The following RS1 variants were observed in gnomAD, a reference collection of about 807,000 sequenced individuals.
RS1 encodes the protein retinoschisin.
In RS1, 2 loss-of-function variants were observed where a neutral mutation model predicts 20.8. That is an observed-to-expected ratio of 0.10 (90% CI 0.04 to 0.30). RS1 has a LOEUF of 0.30. Ranked by LOEUF, RS1 falls within the 10% of genes least tolerant of loss-of-function variation. The probability of loss-of-function intolerance (pLI) is 1.00; values close to 1 mark genes in which losing one functional copy is unlikely to be tolerated. For missense variants in RS1, 151 were observed against 189.8 expected, an observed-to-expected ratio of 0.80 and a Z score of 1.20; for synonymous variants, 70 against 75.8, an observed-to-expected ratio of 0.92 and a Z score of 0.40.
At chrX:18,666,787 C>T (rs183129495) in intron 1 of RS1, among the ~76,000 whole-genome samples, 5 of 109,877 alleles carry the variant, frequency 4.6e-5, no homozygotes, top group African/African-American at 1.3e-4. Context: ...GCAGATTACG[C>T]GTGGCAGGGG....
At chrX:18,644,039 T>C (rs2147190718) in intron 5 of RS1, among the ~76,000 whole-genome samples, 1 of 111,046 alleles carries the variant, frequency 9.0e-6, no homozygotes, top group African/African-American at 3.3e-5. Context: ...TCTCAAACAA[T>C]AGGAGAGGCC....
At chrX:18,669,502 A>AAAAAAAAAAAAAAAC in intron 1 of RS1, among the ~76,000 whole-genome samples, 1 of 108,128 alleles carries the variant, frequency 9.2e-6, no homozygotes, top group Admixed American at 1.0e-4. Context: ...AAAAAAAAAA[A>AAAAAAAAAAAAAAAC]AAGACATAGG....
chrX:18,654,171 G>A (rs1257045548), intron 3 of RS1, among the ~76,000 whole-genome samples: 1 of 95,595 alleles, frequency 1.0e-5, no homozygotes, highest in Non-Finnish European at 2.2e-5. Flanking sequence ...TTTTTGGTGG[G>A]GGGGACAGGG....
chrX:18,654,554 G>T (rs771432999), intron 3 of RS1, among the ~76,000 whole-genome samples: 60 of 112,256 alleles, frequency 5.3e-4, no homozygotes, highest in African/African-American at 1.8e-3. Context: ...CTTCATTTCT[G>T]TCTCCTTGTC....
At chrX:18,646,022 G>C (rs962965944) in intron 4 of RS1, 43 of 1,211,906 alleles carry the variant, frequency 3.5e-5, no homozygotes, top group Non-Finnish European at 4.7e-5. Flanking sequence ...GGATGTGATG[G>C]CAGAAGACAG....
intron 1 of RS1, among the ~76,000 whole-genome samples, chrX:18,661,613 G>T (rs766035690): frequency 1.2e-4 from 13 of 111,285 alleles, no homozygotes; most frequent in Non-Finnish European, 1.9e-4. Flanking sequence ...TTATTGAGTG[G>T]AAGGAGCTCT....
At position 18,656,676 on chromosome X, in the gene RS1, G is replaced by A. The variant is rs200221392; in HGVS notation, c.161C>T (p.Ala54Val). 6 of 1,206,691 alleles carry A rather than the reference G, an allele frequency of 5.0e-6. No individual in the cohort carries two copies. Among genetic ancestry groups the A allele is most frequent in the Non-Finnish European group, 5.6e-6 (5 of 892,657 alleles). Residue 54 changes from alanine to valine, a missense_variant, in exon 3 of 6, where the codon GCC (alanine) becomes GTC (valine). Coordinates refer to ENST00000379984, the MANE Select transcript of RS1 (RefSeq NM_000330.4). The part of the protein sequence containing the change: ...GGPNALWSAG[A>V]TSLDCIPECP... ...ACCTGGTATACAGTCCAAGGAGGTG[G>A]CACCTGCAGACCACAGAGCATTGGG...
chrX:18,650,466 C>T lies in RS1; in HGVS notation c.185-3134G>A, dbSNP rs202153551. The T allele has an allele frequency of 5.0e-5, 60 of 1,210,305 alleles. No individual in the cohort carries two copies. The East Asian group carries it at 1.1e-3, about 22-fold the overall frequency. On this transcript the variant is annotated intron_variant, in intron 3 of 5. Coordinates refer to ENST00000379984, the MANE Select transcript of RS1 (RefSeq NM_000330.4). The stretch of plus-strand genomic sequence containing the variant: ...GCCTCACACTCCGTGCGTCCCAAAC[C>T]GAGCCCTTCATCGTCCAATCTCCAG...
chrX:18,663,081 C>G (rs1266725021), intron 1 of RS1, among the ~76,000 whole-genome samples: 1 of 100,118 alleles, frequency 1.0e-5, no homozygotes, highest in African/African-American at 4.0e-5. Context: ...ACTCGTTGCC[C>G]AGGCTGGAGT....
chrX:18,643,895 TCAATCCACAAA>T (rs1927673580), intron 5 of RS1, among the ~76,000 whole-genome samples: 1 of 111,321 alleles, frequency 9.0e-6, no homozygotes, highest in Non-Finnish European at 1.9e-5. Flanking sequence ...GACTTCTGTC[TCAATCCACAAA>T]GATTAATAGG....
rs1186729210 is a variant in RS1, at chrX:18,654,149, CT to C, written c.184+2503del. Among the ~76,000 whole-genome samples the C allele has an allele frequency of 2.4e-3, 220 of 92,495 alleles. 1 individual carries two copies. The highest frequency in any genetic ancestry group is 2.8e-3 in the Admixed American group (23 of 8,228). 80.3% of individuals were successfully genotyped at this position (92,495 alleles called of 115,157 possible). ...TCAAACACATGACTCTTCTCTCTCT[CT>C]TTTTTTTTTTTTTTTGGTGGGGGGG... On this transcript the variant is annotated intron_variant, in intron 3 of 5. Coordinates refer to ENST00000379984, the MANE Select transcript of RS1 (RefSeq NM_000330.4).
intron 1 of RS1, among the ~76,000 whole-genome samples, chrX:18,665,504 A>G (rs1174739324): frequency 9.0e-6 from 1 of 111,050 alleles, no homozygotes; most frequent in Non-Finnish European, 1.9e-5. Context: ...GCCTCCGTCC[A>G]TAGAATTTCT....
chrX:18,665,086 C>G (rs1928382705), intron 1 of RS1, among the ~76,000 whole-genome samples: 1 of 112,081 alleles, frequency 8.9e-6, no homozygotes, highest in African/African-American at 3.2e-5. Context: ...GAAGGCTCCT[C>G]CAAGCCTCCT....
Position 18,655,850 on chromosome X carries a change from GA to G in RS1, c.184+802del, listed in dbSNP as rs759654471. 3.4e-3 allele frequency among the ~76,000 whole-genome samples: 380 copies of G among 110,625 alleles called. 2 individuals carry two copies. Among genetic ancestry groups the G allele is most frequent in the Middle Eastern group, 0.028 (6 of 217 alleles). On this transcript the variant is annotated intron_variant, in intron 3 of 5. Coordinates refer to ENST00000379984, the MANE Select transcript of RS1 (RefSeq NM_000330.4). Reference sequence around the variant, plus strand: ...TCATCACCTCCATTGGACAGACAAGGAAAAAAGTGGCAGTCCCAGAGTTCAG... The same window carrying G: ...TCATCACCTCCATTGGACAGACAAGGAAAAAGTGGCAGTCCCAGAGTTCAG...
At chrX:18,664,273 T>C (rs967141488) in intron 1 of RS1, among the ~76,000 whole-genome samples, 2 of 112,480 alleles carry the variant, frequency 1.8e-5, no homozygotes, top group African/African-American at 6.5e-5. Context: ...TGGATGCATC[T>C]CATGATGCTG....
chrX:18,645,149 GTTT>G (rs1392128590), intron 4 of RS1, among the ~76,000 whole-genome samples: 1 of 112,375 alleles, frequency 8.9e-6, no homozygotes, highest in East Asian at 2.8e-4. Context: ...CAACTAAGTT[GTTT>G]TTTTAGCTAC....
chrX:18,642,115 G>T lies in RS1; in HGVS notation c.564C>A (p.Asn188Lys). The stretch of plus-strand genomic sequence containing the variant: ...GGGAGATGATGGGGGGCCGCAGCAG[G>T]TTCTGAACCGTGGAGGTGCGGTCCG... ...GNSDRTSTVQ[N>K]LLRPPIISRF... Residue 188 changes from asparagine (N) to lysine (K), a missense_variant, in exon 6 of 6, where the codon AAC becomes AAA. By Grantham distance (94) the Asn-to-Lys change is moderately conservative. Coordinates refer to ENST00000379984, the MANE Select transcript of RS1 (RefSeq NM_000330.4). The T allele has an allele frequency of 2.5e-6, 3 of 1,211,823 alleles. No individual in the cohort carries two copies. The highest frequency in any genetic ancestry group is 3.4e-6 in the Non-Finnish European group (3 of 895,375).
chrX:18,663,032 C>CTTTT (rs55857398), intron 1 of RS1, among the ~76,000 whole-genome samples: 826 of 74,634 alleles, frequency 0.011, 84 homozygotes, highest in African/African-American at 0.051. Context: ...AGAACAATGA[C>CTTTT]TTTTTTTTTT....
At position 18,647,213 on chromosome X, in the gene RS1, G is replaced by T; in HGVS notation, c.304C>A (p.Arg102=). The change falls in exon 4 of 6, where the codon CGG becomes AGG. Residue 102 remains arginine, a synonymous_variant. Transcript: ENST00000379984. ...WYSSWTANKA[R]LNSQGFGCAW... is the part of the protein sequence containing the mutation. ...TACCCAAAGCCTTGACTGTTGAGCC[G>T]GGCCTTGTTTGCAGTCCACGAAGAA... The T allele has an allele frequency of 8.3e-7, 1 of 1,210,861 alleles. No homozygotes were observed. Among genetic ancestry groups the T allele is most frequent in the Non-Finnish European group, 1.1e-6 (1 of 895,344 alleles).
Sources: gnomAD v4.1 joint callset for allele counts (sites outside exome capture counted in the v4.1 genomes callset) on GRCh38, gnomAD v4.1.1 for gene constraint, MANE v1.5 for transcripts, NCBI Gene and HGNC (gene_info 2026-07-23, HGNC 2026-07-21) for gene names.